Variants in CTNNA3 observed in about 807,000 individuals in gnomAD.
CTNNA3 encodes catenin alpha 3.
CTNNA3 carries 76 observed loss-of-function variants against 95.7 expected under a neutral mutation model. That is an observed-to-expected ratio of 0.79 (90% confidence interval 0.66 to 0.96). CTNNA3 has a LOEUF of 0.96. CTNNA3 is among the 40% of genes least tolerant of loss of function. CTNNA3 has a pLI of 0.00. For synonymous variants in CTNNA3, 431 were observed against 374.4 expected, an observed-to-expected ratio of 1.15 and a Z score of -1.74; for missense variants, 1,191 against 1,089.8, an observed-to-expected ratio of 1.09 and a Z score of -1.31.
At chr10:67,435,218 T>C (rs1315944685) in intron 5 of CTNNA3, among the ~76,000 whole-genome samples, 2 of 152,010 alleles carry the variant, frequency 1.3e-5, no homozygotes, top group Non-Finnish European at 2.9e-5. Flanking sequence ...TGCTCCTTTC[T>C]GGCAACAGCT....
rs536197051 is a variant in CTNNA3, at chr10:67,741,400, C to T, written c.-2+22034G>A. Among the ~76,000 whole-genome samples, 6 of 144,200 alleles carry T rather than the reference C, an allele frequency of 4.2e-5. 1 individual carries two copies. The highest frequency in any genetic ancestry group is 1.5e-4 in the African/African-American group (6 of 39,672). 94.6% of individuals were successfully genotyped at this position (144,200 alleles called of 152,430 possible). ...TTCAACCCAGAATTTCATATCCAGC[C>T]AAACTAAGCTTCATAAGTGAAGGAG... On this transcript the variant is annotated intron_variant, in intron 1 of 17. Transcript: ENST00000684154.
intron 12 of CTNNA3, among the ~76,000 whole-genome samples, chr10:66,281,712 T>A (rs1160944801): frequency 6.6e-6 from 1 of 151,920 alleles, no homozygotes; most frequent in Admixed American, 6.6e-5. Flanking sequence ...TTTTTCTACA[T>A]TTAAGTTGTA....
chr10:66,531,674 C>A (rs1165327704), intron 10 of CTNNA3, among the ~76,000 whole-genome samples: 1 of 151,962 alleles, frequency 6.6e-6, no homozygotes, highest in Non-Finnish European at 1.5e-5. Context: ...TTTTAATATT[C>A]CAATTTTTTT....
At position 67,438,380 on chromosome 10, in the gene CTNNA3, G is replaced by T. The variant is rs74440837; in HGVS notation, c.579+83462C>A. Reference sequence around the variant, plus strand: ...CAGGCTCTCTCTAAACATCTGCTCCGTGAAGGCAGTACATAGACCTTATTG... The same window carrying T: ...CAGGCTCTCTCTAAACATCTGCTCCTTGAAGGCAGTACATAGACCTTATTG... On this transcript the variant is annotated intron_variant, in intron 5 of 17. Transcript: ENST00000433211. Among the ~76,000 whole-genome samples, 997 of 152,250 alleles carry T rather than the reference G, an allele frequency of 6.5e-3. 14 individuals are homozygous for T. The highest frequency in any genetic ancestry group is 0.022 in the African/African-American group (927 of 41,554).
At chr10:66,604,935 A>C (rs934063986) in intron 10 of CTNNA3, among the ~76,000 whole-genome samples, 1 of 152,164 alleles carries the variant, frequency 6.6e-6, no homozygotes, top group African/African-American at 2.4e-5. Context: ...TCACCTCTCC[A>C]GCAGGGGTTC....
At chr10:66,243,432 A>G (rs967241820) in intron 13 of CTNNA3, among the ~76,000 whole-genome samples, 1 of 152,186 alleles carries the variant, frequency 6.6e-6, no homozygotes, top group African/African-American at 2.4e-5. Context: ...CTTCATATGC[A>G]TAATAAGAAA....
intron 7 of CTNNA3, chr10:67,098,401 G>A (rs1245549934): frequency 6.6e-6 from 1 of 152,036 alleles, no homozygotes; most frequent in Non-Finnish European, 1.5e-5. Flanking sequence ...TAACCAAAAA[G>A]GATTTAATTG....
At chr10:66,298,245 T>A (rs985603317) in intron 12 of CTNNA3, among the ~76,000 whole-genome samples, 20 of 152,274 alleles carry the variant, frequency 1.3e-4, no homozygotes, top group Non-Finnish European at 2.8e-4. Context: ...CAAACTTTCA[T>A]TTTGAACACA....
chr10:66,030,876 C>T (rs867840953), intron 15 of CTNNA3, among the ~76,000 whole-genome samples: 2 of 151,842 alleles, frequency 1.3e-5, no homozygotes, highest in African/African-American at 2.4e-5. Context: ...CATTAAAATG[C>T]GGGCAAAGGA....
intron 12 of CTNNA3, among the ~76,000 whole-genome samples, chr10:66,348,586 A>C (rs1278964070): frequency 1.3e-5 from 2 of 152,148 alleles, no homozygotes; most frequent in Non-Finnish European, 2.9e-5. Flanking sequence ...TCAACTTAAT[A>C]GTAAATTGTG....
intron 2 of CTNNA3, among the ~76,000 whole-genome samples, chr10:67,637,121 G>A (rs542758911): frequency 1.7e-3 from 261 of 152,192 alleles, no homozygotes; most frequent in African/African-American, 5.8e-3. Context: ...CTTGAAAAAA[G>A]ATTAAACGAA....
chr10:67,209,789 AACT>A (rs1307656996), intron 6 of CTNNA3, among the ~76,000 whole-genome samples: 1 of 152,078 alleles, frequency 6.6e-6, no homozygotes, highest in African/African-American at 2.4e-5. Context: ...AAGAAAAAAA[AACT>A]AAGTTAAAAC....
chr10:67,417,427 A>G (rs752655426), intron 5 of CTNNA3, among the ~76,000 whole-genome samples: 7 of 152,114 alleles, frequency 4.6e-5, no homozygotes, highest in Non-Finnish European at 1.0e-4. Context: ...CTGCACATGT[A>G]CCCCCTGTAT....
intron 17 of CTNNA3, among the ~76,000 whole-genome samples, chr10:65,957,759 T>A (rs2077762390): frequency 1.3e-5 from 2 of 152,220 alleles, no homozygotes; most frequent in Non-Finnish European, 2.9e-5. Context: ...AGATCTGCTG[T>A]TAGTCTGATG....
At chr10:67,308,300 T>C (rs2132518097) in intron 5 of CTNNA3, among the ~76,000 whole-genome samples, 1 of 152,298 alleles carries the variant, frequency 6.6e-6, no homozygotes, top group East Asian at 1.9e-4. Flanking sequence ...GGGAAGTAAT[T>C]GAATCATGGG....
At chr10:66,371,301 T>C (rs2092752600) in intron 12 of CTNNA3, among the ~76,000 whole-genome samples, 1 of 152,172 alleles carries the variant, frequency 6.6e-6, no homozygotes, top group Non-Finnish European at 1.5e-5. Context: ...TACTTTTACA[T>C]ATACAGCAAA....
intron 7 of CTNNA3, among the ~76,000 whole-genome samples, chr10:66,906,884 A>T (rs981922496): frequency 6.6e-6 from 1 of 152,118 alleles, no homozygotes; most frequent in Non-Finnish European, 1.5e-5. Flanking sequence ...CTCTGGCTTT[A>T]TGCTAGTAAC....
At chr10:67,252,561 A>G (rs1359892614) in intron 5 of CTNNA3, among the ~76,000 whole-genome samples, 1 of 152,204 alleles carries the variant, frequency 6.6e-6, no homozygotes, top group African/African-American at 2.4e-5. Context: ...TTCTGTCTCA[A>G]AATACCTTAT....
At chr10:67,226,826 A>G (rs1246358516) in intron 5 of CTNNA3, among the ~76,000 whole-genome samples, 1 of 152,182 alleles carries the variant, frequency 6.6e-6, no homozygotes, top group Non-Finnish European at 1.5e-5. Flanking sequence ...GTTAAAAAGC[A>G]AAAACAAAAA....
Sources: allele counts gnomAD v4.1 joint callset (sites outside exome capture counted in the v4.1 genomes callset), GRCh38; gene constraint gnomAD v4.1.1; transcripts MANE v1.5; gene names NCBI Gene and HGNC (gene_info 2026-07-23, HGNC 2026-07-21).